ICAM5: variants seen among roughly 807,000 people sequenced by gnomAD.
The protein encoded by ICAM5 is intercellular adhesion molecule 5, also known as ICAM-5.
ICAM5 carries 38 observed loss-of-function variants against 78.8 expected under a neutral mutation model. The ratio of observed to expected loss-of-function variants is 0.48; its 90% CI spans 0.37 to 0.63. ICAM5 has a LOEUF of 0.63. Ranked by LOEUF, ICAM5 falls within the 30% of genes least tolerant of loss-of-function variation. The probability of loss-of-function intolerance (pLI) is 0.00; values close to 1 mark genes in which losing one functional copy is unlikely to be tolerated. For synonymous variants in ICAM5, 544 were observed against 590.9 expected, an observed-to-expected ratio of 0.92 and a Z score of 1.15; for missense variants, 1,059 against 1,303.0, an observed-to-expected ratio of 0.81 and a Z score of 2.88.
In ICAM5 at chr19:10,292,809, C is replaced by A; in HGVS notation, c.1159C>A (p.Leu387Ile). 6.2e-7 allele frequency: 1 copy of A among 1,613,514 alleles called. No homozygotes were observed. The highest frequency in any genetic ancestry group is 8.5e-7 in the Non-Finnish European group (1 of 1,179,990). ...ACGCAGCTTCTTCTGCGACGCCACC[C>A]TCGATGTGGACGGGGAGACCCTGAT... ...DRRSFFCDAT[L>I]DVDGETLIKN... The change falls in exon 5 of 11, where the codon CTC becomes ATC. Residue 387 changes from leucine (L) to isoleucine (I), a missense_variant. Leu to Ile is a conservative substitution (Grantham distance 5). Around this residue, in one of 3 missense-constraint regions of ICAM5, gnomAD observed 815 missense variants for 952.8 expected, o/e 0.86. Transcript: ENST00000221980.
In ICAM5 at chr19:10,293,559, A is replaced by G. The variant is rs1288300126; in HGVS notation, c.1466-139A>G. The G allele has an allele frequency of 5.7e-6, 7 of 1,229,964 alleles. No homozygotes were observed. Among genetic ancestry groups the G allele is most frequent in the African/African-American group, 4.6e-5 (3 of 65,808 alleles). 76.2% of individuals were successfully genotyped at this position (1,229,964 alleles called of 1,614,324 possible). A position where few individuals can be genotyped will look rare whatever the true frequency, so the allele number is the denominator to read the frequency against. On this transcript the variant is annotated intron_variant, in intron 6 of 10. Transcript: ENST00000221980. This position sits in a 1 kb window ranked among gnomAD's most constrained non-coding sequence, Gnocchi z 5.0. ...CCCAGACAGAGTGCATGCCTCGACT[A>G]GCGTGACACCTCCTTGGATCGGCGT...
chr19:10,294,484 G>T lies in ICAM5; in HGVS notation c.2074G>T (p.Ala692Ser), dbSNP rs2040204585. ...GAEASALACA[A>S]RGRPSPGVRC... Reference sequence around the variant, plus strand: ...TGAGGCTTCCGCGCTGGCCTGCGCCGCCCGGGGTCGCCCTTCCCCAGGAGT... The same window carrying T: ...TGAGGCTTCCGCGCTGGCCTGCGCCTCCCGGGGTCGCCCTTCCCCAGGAGT... Residue 692 changes from alanine (A) to serine (S), a missense_variant, in exon 9 of 11, where the codon GCC (alanine) becomes TCC (serine). Physicochemically the swap from Ala to Ser is moderately conservative, Grantham distance 99. Around this residue, in one of 3 missense-constraint regions of ICAM5, gnomAD observed 135 missense variants for 230.2 expected, o/e 0.59. Coordinates refer to ENST00000221980, the MANE Select transcript of ICAM5 (RefSeq NM_003259.4). The surrounding 1 kb of genome is among the most constrained non-coding windows in gnomAD (Gnocchi z 7.7). 6.2e-7 allele frequency: 1 copy of T among 1,606,816 alleles called. No homozygotes were observed.
chr19:10,291,665 C>G lies in ICAM5; in HGVS notation c.529C>G (p.Arg177Gly). The G allele has an allele frequency of 1.2e-6, 2 of 1,612,160 alleles. No individual in the cohort carries two copies. The highest frequency in any genetic ancestry group is 1.1e-5 in the South Asian group (1 of 91,062). ...CTTCGCCGGTGAACCACCCCGAGCG[C>G]GGGGCGCGGTGCTCACAGCCACGGT... Reference protein sequence around the residue: ...RSFAGEPPRARGAVLTATVLA... With the variant: ...RSFAGEPPRAGGAVLTATVLA... The change falls in exon 3 of 11, where the codon CGG becomes GGG. Residue 177 changes from arginine to glycine, a missense_variant. This residue lies in a region of ICAM5 where 815 missense variants were observed against 952.8 expected (regional missense o/e 0.86). Coordinates refer to ENST00000221980, the MANE Select transcript of ICAM5 (RefSeq NM_003259.4).
chr19:10,293,843 G>A lies in ICAM5; in HGVS notation c.1611G>A (p.Glu537=), dbSNP rs17852402. 0.14 allele frequency: 224,414 copies of A among 1,612,588 alleles called. 16,647 individuals carry two copies. Among genetic ancestry groups the A allele is most frequent in the South Asian group, 0.19 (17,597 of 91,082 alleles). ...VRSGELGAVI[E]GLLRVAREHA... is the part of the protein sequence containing the mutation. ...CTGGAGAACTCGGGGCCGTCATCGA[G>A]GGGCTGTTGCGTGTGGCCCGGGAGC... Residue 537 remains glutamate, a synonymous_variant, in exon 7 of 11, where the codon GAG becomes GAA. Transcript: ENST00000221980. This position sits in a 1 kb window ranked among gnomAD's most constrained non-coding sequence, Gnocchi z 5.0.
chr19:10,290,918 G>A lies in ICAM5; in HGVS notation c.83-154G>A. 1 of 966,048 alleles carries A rather than the reference G, an allele frequency of 1.0e-6. No individual in the cohort carries two copies. The highest frequency in any genetic ancestry group is 1.5e-6 in the Non-Finnish European group (1 of 666,956). The allele number at this position is 966,048 out of a possible 1,614,324, so 59.8% of individuals were successfully genotyped here. A position where few individuals can be genotyped will look rare whatever the true frequency, so the allele number is the denominator to read the frequency against. On this transcript the variant is annotated intron_variant, in intron 1 of 10. Transcript: ENST00000221980. The surrounding 1 kb of genome is among the most constrained non-coding windows in gnomAD (Gnocchi z 5.7). ...GACTCTGGGAGTGCGCCTTTAAACC[G>A]GAGGCCTGGGCAGGACGCGGGACGC...
In ICAM5 at chr19:10,292,604, GC is replaced by G; in HGVS notation, c.962-3del. On this transcript the variant is annotated splice_region_variant and splice_polypyrimidine_tract_variant and intron_variant, in intron 4 of 10. Transcript: ENST00000221980. ...TCAGTATACTACGACCAAATGCTCC[GC>G]CCCCAGGCTTCCCGGCACCACTCCT... 1.3e-6 allele frequency: 2 copies of G among 1,549,026 alleles called. No homozygotes were observed. Among genetic ancestry groups the G allele is most frequent in the Non-Finnish European group, 8.7e-7 (1 of 1,149,004 alleles).
rs540589528 is a variant in ICAM5, at chr19:10,295,700, T to A, written c.2497+88T>A. The A allele has an allele frequency of 5.7e-6, 8 of 1,392,720 alleles. No individual in the cohort carries two copies. In the African/African-American group the frequency reaches 8.6e-5, roughly 15 times the overall value. 86.3% of individuals were successfully genotyped at this position (1,392,720 alleles called of 1,614,324 possible). A position where few individuals can be genotyped will look rare whatever the true frequency, so the allele number is the denominator to read the frequency against. On this transcript the variant is annotated intron_variant, in intron 10 of 10. Coordinates refer to ENST00000221980, the MANE Select transcript of ICAM5 (RefSeq NM_003259.4). ...GGGCGGCCGGCCCCGCCTGCCTCCC[T>A]CTCGGTCCCGGTAGACTAGACGGAA... is the stretch of plus-strand genomic sequence containing the variant.
In ICAM5 at chr19:10,293,512, G is replaced by A. The variant is rs1344254387; in HGVS notation, c.1466-186G>A. Among the ~76,000 whole-genome samples the A allele has an allele frequency of 2.6e-5, 4 of 152,152 alleles. No homozygotes were observed. Among genetic ancestry groups the A allele is most frequent in the African/African-American group, 9.7e-5 (4 of 41,432 alleles). On this transcript the variant is annotated intron_variant, in intron 6 of 10. Coordinates refer to ENST00000221980, the MANE Select transcript of ICAM5 (RefSeq NM_003259.4). This position sits in a 1 kb window ranked among gnomAD's most constrained non-coding sequence, Gnocchi z 5.0. The stretch of plus-strand genomic sequence containing the variant: ...GTTTAAGTTTTTAGACGAAAAAGGC[G>A]CCACTGGTGGCTCAGGAAGCTCCCA...
Position 10,293,794 on chromosome 19 carries a change from C to A in ICAM5, c.1562C>A (p.Pro521Gln). 3 of 1,613,808 alleles carry A rather than the reference C, an allele frequency of 1.9e-6. No individual in the cohort carries two copies. The highest frequency in any genetic ancestry group is 2.5e-6 in the Non-Finnish European group (3 of 1,180,022). ...AGCTGTGTGGCGCACGGGGTACCGC[C>A]GCCTGATGTGATCTGCGTGCGCTCT... ...SLSCVAHGVP[P>Q]PDVICVRSGE... Residue 521 changes from proline (P) to glutamine (Q), a missense_variant, in exon 7 of 11, where the codon CCG (proline) becomes CAG (glutamine). Pro to Gln is a moderately conservative substitution (Grantham distance 76). Around this residue, in one of 3 missense-constraint regions of ICAM5, gnomAD observed 815 missense variants for 952.8 expected, o/e 0.86. Coordinates refer to ENST00000221980, the MANE Select transcript of ICAM5 (RefSeq NM_003259.4). This position sits in a 1 kb window ranked among gnomAD's most constrained non-coding sequence, Gnocchi z 5.0.
Position 10,295,545 on chromosome 19 carries a change from C to G in ICAM5, c.2430C>G (p.Gly810=). Residue 810 remains glycine (G), a synonymous_variant, in exon 10 of 11, where the codon GGC becomes GGG. Transcript: ENST00000221980. ...SVAGAMGSHG[G]EYECAATNAH... Reference sequence around the variant, plus strand: ...CAGGCGCCATGGGAAGCCACGGCGGCGAGTACGAGTGCGCAGCCACCAACG... The same window carrying G: ...CAGGCGCCATGGGAAGCCACGGCGGGGAGTACGAGTGCGCAGCCACCAACG... The G allele has an allele frequency of 6.5e-7, 1 of 1,547,968 alleles. No individual in the cohort carries two copies. The highest frequency in any genetic ancestry group is 8.7e-7 in the Non-Finnish European group (1 of 1,147,980).
intron 10 of ICAM5, 126 bp downstream of exon 10, chr19:10,295,738 A>G: frequency 1.8e-6 from 2 of 1,141,896 alleles, no homozygotes; most frequent in Non-Finnish European, 1.2e-6. Context: ...GGGACAGAGT[A>G]GAAGTCAAAG....
Position 10,290,090 on chromosome 19 carries a change from G to A in ICAM5, c.47G>A (p.Trp16Ter). The A allele has an allele frequency of 6.5e-7, 1 of 1,541,356 alleles. No homozygotes were observed. Among genetic ancestry groups the A allele is most frequent in the Non-Finnish European group, 8.7e-7 (1 of 1,143,632 alleles). ...CTGCGCCGGGCGCTACTCGGCCTCT[G>A]GGCTGCTCTGGGCCTGGGGCTCTTC... Reference protein sequence around the residue: ...PGLRRALLGLWAALGLGLFGL... With the variant: ...PGLRRALLGL Residue 16 changes from tryptophan to a stop codon, truncating the protein, a stop_gained, in exon 1 of 11, where the codon TGG becomes TAG. Coordinates refer to ENST00000221980, the MANE Select transcript of ICAM5 (RefSeq NM_003259.4). LOFTEE classifies it high-confidence loss of function. The surrounding 1 kb of genome is among the most constrained non-coding windows in gnomAD (Gnocchi z 5.7).
rs2040207318 is a variant in ICAM5, at chr19:10,294,770, G to T, written c.2230+130G>T. On this transcript the variant is annotated intron_variant, in intron 9 of 10. Coordinates refer to ENST00000221980, the MANE Select transcript of ICAM5 (RefSeq NM_003259.4). This position sits in a 1 kb window ranked among gnomAD's most constrained non-coding sequence, Gnocchi z 7.7. ...AGGGAATTCCAGCCTAAACCAGGGG[G>T]TAATGAAAATTCTAGCCAGGCGCAG... 7.7e-6 allele frequency: 11 copies of T among 1,422,766 alleles called. No individual in the cohort carries two copies. The highest frequency in any genetic ancestry group is 9.5e-6 in the Non-Finnish European group (10 of 1,051,744). 88.1% of individuals were successfully genotyped at this position (1,422,766 alleles called of 1,614,324 possible). A position where few individuals can be genotyped will look rare whatever the true frequency, so the allele number is the denominator to read the frequency against.
At position 10,291,517 on chromosome 19, in the gene ICAM5, G is replaced by A. The variant is rs527934682; in HGVS notation, c.381G>A (p.Pro127=). The A allele has an allele frequency of 1.2e-6, 2 of 1,612,550 alleles. No homozygotes were observed. The highest frequency in any genetic ancestry group is 2.2e-5 in the East Asian group (1 of 44,878). ...GACCAGATCGCGTAGAGCTGATGCC[G>A]CTGCCTCCCTGGCAGCCGGTGGGCG... is the stretch of plus-strand genomic sequence containing the variant. ...FQRPDRVELM[P]LPPWQPVGEN... Residue 127 remains proline, a synonymous_variant, in exon 3 of 11, where the codon CCG becomes CCA. Transcript: ENST00000221980.
Position 10,293,840 on chromosome 19 carries a change from C to G in ICAM5, c.1608C>G (p.Ile536Met). Residue 536 changes from isoleucine (I) to methionine (M), a missense_variant, in exon 7 of 11, where the codon ATC becomes ATG. Physicochemically the swap from Ile to Met is conservative, Grantham distance 10. Transcript: ENST00000221980. This position sits in a 1 kb window ranked among gnomAD's most constrained non-coding sequence, Gnocchi z 5.0. ...GCTCTGGAGAACTCGGGGCCGTCAT[C>G]GAGGGGCTGTTGCGTGTGGCCCGGG... ...CVRSGELGAV[I>M]EGLLRVAREH... is the part of the protein sequence containing the mutation. 1 of 1,612,852 alleles carries G rather than the reference C, an allele frequency of 6.2e-7. No homozygotes were observed. The highest frequency in any genetic ancestry group is 8.5e-7 in the Non-Finnish European group (1 of 1,179,994).
chr19:10,295,474 G>T lies in ICAM5; in HGVS notation c.2359G>T (p.Ala787Ser). 6.3e-7 allele frequency: 1 copy of T among 1,584,852 alleles called. No individual in the cohort carries two copies. Among genetic ancestry groups the T allele is most frequent in the Non-Finnish European group, 8.6e-7 (1 of 1,167,980 alleles). The change falls in exon 10 of 11, where the codon GCC (alanine) becomes TCC (serine). Residue 787 changes from alanine to serine, a missense_variant. By Grantham distance (99) the Ala-to-Ser change is moderately conservative. Coordinates refer to ENST00000221980, the MANE Select transcript of ICAM5 (RefSeq NM_003259.4). ...AQISWRAPPG[A>S]LNIGLSSNNS... Reference sequence around the variant, plus strand: ...GATCAGCTGGCGCGCGCCCCCGGGGGCCCTCAACATCGGCCTGTCGAGCAA... The same window carrying T: ...GATCAGCTGGCGCGCGCCCCCGGGGTCCCTCAACATCGGCCTGTCGAGCAA...
In ICAM5 at chr19:10,295,621, C is replaced by A. The variant is rs1398198685; in HGVS notation, c.2497+9C>A. 2.6e-6 allele frequency: 4 copies of A among 1,537,820 alleles called. No individual in the cohort carries two copies. Among genetic ancestry groups the A allele is most frequent in the East Asian group, 2.4e-5 (1 of 40,890 alleles). On this transcript the variant is annotated intron_variant, in intron 10 of 10. Coordinates refer to ENST00000221980, the MANE Select transcript of ICAM5 (RefSeq NM_003259.4). ...CACGGTGCGCGTGGCCGGTAAGTGGCAGCTGGGGAGAGGCGGGGCGAGGTA... is the reference window on the plus strand; with the variant it reads ...CACGGTGCGCGTGGCCGGTAAGTGGAAGCTGGGGAGAGGCGGGGCGAGGTA...
In ICAM5 at chr19:10,293,991, G is replaced by A. The variant is rs748201501; in HGVS notation, c.1711+48G>A. On this transcript the variant is annotated intron_variant, in intron 7 of 10. Transcript: ENST00000221980. The surrounding 1 kb of genome is among the most constrained non-coding windows in gnomAD (Gnocchi z 5.0). ...TAGGCAGGATCTGTGGGACAACCCCGGCTGGACTTCCTGGCCCCCGTGTGA... is the reference window on the plus strand; with the variant it reads ...TAGGCAGGATCTGTGGGACAACCCCAGCTGGACTTCCTGGCCCCCGTGTGA... 6.9e-6 allele frequency: 11 copies of A among 1,597,046 alleles called. No individual in the cohort carries two copies. In the African/African-American group the frequency reaches 8.0e-5, roughly 12 times the overall value.
In ICAM5 at chr19:10,291,018, G is replaced by T; in HGVS notation, c.83-54G>T. ...AGAACCCTTGACTCGACATAGGGGC[G>T]CTAAGATGTCAGGGAGTTGGCTCCC... On this transcript the variant is annotated intron_variant, in intron 1 of 10. Coordinates refer to ENST00000221980, the MANE Select transcript of ICAM5 (RefSeq NM_003259.4). 12 of 1,546,352 alleles carry T rather than the reference G, an allele frequency of 7.8e-6. 1 individual carries two copies. In the South Asian group the frequency reaches 1.3e-4, roughly 17 times the overall value.
Sources: allele counts gnomAD v4.1 joint callset (sites outside exome capture counted in the v4.1 genomes callset), GRCh38; gene constraint gnomAD v4.1.1; regional missense constraint gnomAD v4.1.1; non-coding constraint Gnocchi (gnomAD v3.1); transcripts MANE v1.5; gene names NCBI Gene and HGNC (gene_info 2026-07-23, HGNC 2026-07-21).